Variants in INPP5A observed in about 807,000 individuals in gnomAD.
INPP5A encodes the protein inositol polyphosphate-5-phosphatase A.
In INPP5A, 14 loss-of-function variants were observed where a neutral mutation model predicts 65.2. That is an observed-to-expected ratio of 0.21 (90% CI 0.14 to 0.34). The LOEUF (loss-of-function observed/expected upper bound fraction) is 0.34, where lower values mean the gene tolerates loss of function less well. INPP5A is among the 10% of genes least tolerant of loss of function. The pLI is 1.00. For synonymous variants in INPP5A, 207 were observed against 208.3 expected, an observed-to-expected ratio of 0.99 and a Z score of 0.05; for missense variants, 431 against 545.6, an observed-to-expected ratio of 0.79 and a Z score of 2.09.
intron 1 of INPP5A, among the ~76,000 whole-genome samples, chr10:132,540,887 C>A (rs2070897911): frequency 6.6e-6 from 1 of 152,210 alleles, no homozygotes; most frequent in African/African-American, 2.4e-5. Flanking sequence ...AGCAGATATC[C>A]CGGACTGTGG....
chr10:132,642,607 GGAGCAGGGGTCCCCTCTGTTT>G (rs2072440420), intron 2 of INPP5A, among the ~76,000 whole-genome samples: 2 of 152,186 alleles, frequency 1.3e-5, no homozygotes, highest in Admixed American at 1.3e-4. Context: ...TGTCACTCCG[GGAGCAGGGGTCCCCTCTGTTT>G]GAGCAGGCCT....
chr10:132,735,254 G>C (rs1249602924), intron 9 of INPP5A, among the ~76,000 whole-genome samples: 1 of 152,202 alleles, frequency 6.6e-6, no homozygotes, highest in Non-Finnish European at 1.5e-5. Flanking sequence ...CCTCCACCCT[G>C]GGTTTGTGGG....
Position 132,547,317 on chromosome 10 carries a change from CA to C in INPP5A, c.75+9147del, listed in dbSNP as rs1564911576. On this transcript the variant is annotated intron_variant, in intron 1 of 15. Transcript: ENST00000368594. This position sits in a 1 kb window ranked among gnomAD's most constrained non-coding sequence, Gnocchi z 5.5. ...GGGCTGAGTGAGGCGTTACTGCCATCAGGGGTCCCTGGAGGGGCTCTCTCCA... is the reference window on the plus strand; with the variant it reads ...GGGCTGAGTGAGGCGTTACTGCCATCGGGGTCCCTGGAGGGGCTCTCTCCA... Among the ~76,000 whole-genome samples, 1 of 152,174 alleles carries C rather than the reference CA, an allele frequency of 6.6e-6. No individual in the cohort carries two copies. Among genetic ancestry groups the C allele is most frequent in the Non-Finnish European group, 1.5e-5 (1 of 68,010 alleles).
At chr10:132,569,421 A>G (rs371177192) in intron 1 of INPP5A, among the ~76,000 whole-genome samples, 4 of 152,080 alleles carry the variant, frequency 2.6e-5, no homozygotes, top group Non-Finnish European at 4.4e-5. Flanking sequence ...GGTGGGATCA[A>G]TGCTCACTGC....
chr10:132,735,635 C>T (rs1369524253), intron 9 of INPP5A, among the ~76,000 whole-genome samples: 2 of 152,232 alleles, frequency 1.3e-5, no homozygotes, highest in African/African-American at 2.4e-5. Flanking sequence ...CTCTCACTGC[C>T]GACCGCGTTC....
At chr10:132,623,211 T>A (rs1045804972) in intron 2 of INPP5A, among the ~76,000 whole-genome samples, 1 of 152,158 alleles carries the variant, frequency 6.6e-6, no homozygotes, top group Non-Finnish European at 1.5e-5. Flanking sequence ...AAAAACATAC[T>A]AATGTTTGGG....
Position 132,547,088 on chromosome 10 carries a change from C to A in INPP5A, c.75+8917C>A, listed in dbSNP as rs757925266. 1.6e-4 allele frequency among the ~76,000 whole-genome samples: 25 copies of A among 152,262 alleles called. No homozygotes were observed. Among genetic ancestry groups the A allele is most frequent in the Non-Finnish European group, 2.8e-4 (19 of 68,046 alleles). On this transcript the variant is annotated intron_variant, in intron 1 of 15. Coordinates refer to ENST00000368594, the MANE Select transcript of INPP5A (RefSeq NM_005539.5). The surrounding 1 kb of genome is among the most constrained non-coding windows in gnomAD (Gnocchi z 5.5). The stretch of plus-strand genomic sequence containing the variant: ...CCAAGTCCCTGTGGAGAGGAAATCC[C>A]GCCTTCAGTGCCAGGTGCCAGGCCA...
chr10:132,620,228 T>C (rs1455844871), intron 2 of INPP5A, among the ~76,000 whole-genome samples: 1 of 152,252 alleles, frequency 6.6e-6, no homozygotes, highest in Non-Finnish European at 1.5e-5. Context: ...TCTCGTCTGT[T>C]GGCACTCGAC....
At chr10:132,661,527 TTAAA>T (rs1332510725) in intron 4 of INPP5A, among the ~76,000 whole-genome samples, 2 of 152,152 alleles carry the variant, frequency 1.3e-5, no homozygotes, top group Non-Finnish European at 1.5e-5. Context: ...CTCAGAGAAA[TTAAA>T]TAAGATCTAA....
intron 2 of INPP5A, among the ~76,000 whole-genome samples, chr10:132,625,271 C>A (rs569268473): frequency 1.1e-4 from 17 of 151,978 alleles, no homozygotes; most frequent in Admixed American, 4.6e-4. Context: ...GCTTTCCCTA[C>A]TCCGCTCCTG....
rs146028827 is a variant in INPP5A, at chr10:132,661,067, G to A, written c.306+10562G>A. On this transcript the variant is annotated intron_variant, in intron 4 of 15. Transcript: ENST00000368594. ...GGAGCATAGCCAGTCCTGGAATGAG[G>A]CCTGCATCTCTCCCTTGCACAATGC... 1.2e-4 allele frequency among the ~76,000 whole-genome samples: 19 copies of A among 152,296 alleles called. No homozygotes were observed. In the East Asian group the frequency reaches 3.5e-3, roughly 28 times the overall value.
At position 132,758,114 on chromosome 10, in the gene INPP5A, C is replaced by T. The variant is rs1384391765; in HGVS notation, c.904-7659C>T. Among the ~76,000 whole-genome samples the T allele has an allele frequency of 3.1e-5, 4 of 128,698 alleles. No homozygotes were observed. In the South Asian group the frequency reaches 1.1e-3, roughly 34 times the overall value. The allele number at this position is 128,698 out of a possible 152,430, so 84.4% of individuals were successfully genotyped here. Reference sequence around the variant, plus strand: ...ATAGCCCGGCACCATGGCGTGGGTCCCCGGCCGACCCCACAGGCCAGTGCG... The same window carrying T: ...ATAGCCCGGCACCATGGCGTGGGTCTCCGGCCGACCCCACAGGCCAGTGCG... On this transcript the variant is annotated intron_variant, in intron 11 of 15. Coordinates refer to ENST00000368594, the MANE Select transcript of INPP5A (RefSeq NM_005539.5).
rs988866664 is a variant in INPP5A, at chr10:132,616,482, T to A, written c.117+8526T>A. On this transcript the variant is annotated intron_variant, in intron 2 of 15. Transcript: ENST00000368594. The surrounding 1 kb of genome is among the most constrained non-coding windows in gnomAD (Gnocchi z 4.9). ...CGCAGGATGTGGTGGTGGTGTAGAATGTGGTGCTGATGGATGTGGTGTGTG... is the reference window on the plus strand; with the variant it reads ...CGCAGGATGTGGTGGTGGTGTAGAAAGTGGTGCTGATGGATGTGGTGTGTG... Among the ~76,000 whole-genome samples the A allele has an allele frequency of 6.6e-6, 1 of 151,828 alleles. No homozygotes were observed. Among genetic ancestry groups the A allele is most frequent in the Non-Finnish European group, 1.5e-5 (1 of 67,938 alleles).
chr10:132,645,609 G>C (rs1206820172), intron 2 of INPP5A, among the ~76,000 whole-genome samples: 4 of 152,190 alleles, frequency 2.6e-5, no homozygotes, highest in Admixed American at 2.6e-4. Flanking sequence ...TGATTGAAGA[G>C]GCTTCTGAGA....
intron 6 of INPP5A, among the ~76,000 whole-genome samples, chr10:132,699,117 C>T (rs1051519321): frequency 3.3e-5 from 5 of 152,222 alleles, no homozygotes; most frequent in Admixed American, 2.0e-4. Context: ...GTCTTCTCCA[C>T]GCACAGTAGT....
intron 5 of INPP5A, among the ~76,000 whole-genome samples, chr10:132,694,843 C>T (rs1258482568): frequency 2.0e-5 from 3 of 152,134 alleles, no homozygotes; most frequent in Non-Finnish European, 4.4e-5. Context: ...AAAAGGAAAA[C>T]TAGAGAATCT....
chr10:132,569,871 C>G (rs2071317393), intron 1 of INPP5A, among the ~76,000 whole-genome samples: 1 of 149,170 alleles, frequency 6.7e-6, no homozygotes, highest in Non-Finnish European at 1.5e-5. Context: ...AGGCTGGTCT[C>G]AAACTCCTGA....
intron 1 of INPP5A, among the ~76,000 whole-genome samples, chr10:132,576,886 C>T (rs1465112781): frequency 2.0e-5 from 3 of 152,204 alleles, no homozygotes; most frequent in Non-Finnish European, 4.4e-5. Flanking sequence ...TGACGAGGGC[C>T]ACCAGGATGT....
rs2071027140 is a variant in INPP5A, at chr10:132,549,778, CT to C, written c.75+11608del. On this transcript the variant is annotated intron_variant, in intron 1 of 15. Transcript: ENST00000368594. This position sits in a 1 kb window ranked among gnomAD's most constrained non-coding sequence, Gnocchi z 4.9. ...TTCCTGCAGCCCCCACTCTCTGCCC[CT>C]GGTCTGAATGGTGGGGTTGGTGTGT... is the stretch of plus-strand genomic sequence containing the variant. 6.6e-6 allele frequency among the ~76,000 whole-genome samples: 1 copy of C among 152,260 alleles called. No individual in the cohort carries two copies. Among genetic ancestry groups the C allele is most frequent in the Admixed American group, 6.5e-5 (1 of 15,290 alleles).
Sources: allele counts gnomAD v4.1 joint callset (sites outside exome capture counted in the v4.1 genomes callset), GRCh38; gene constraint gnomAD v4.1.1; non-coding constraint Gnocchi (gnomAD v3.1); transcripts MANE v1.5; gene names NCBI Gene and HGNC (gene_info 2026-07-23, HGNC 2026-07-21).